The following KIAA1549L variants were observed in gnomAD, a reference collection of about 807,000 sequenced individuals.
The protein encoded by KIAA1549L is KIAA1549 like, also known as UPF0606 protein KIAA1549L.
KIAA1549L carries 88 observed loss-of-function variants against 160.7 expected under a neutral mutation model. The observed-to-expected ratio is 0.55, with a 90% confidence interval of 0.46 to 0.65. The LOEUF (loss-of-function observed/expected upper bound fraction) is 0.65, where lower values mean the gene tolerates loss of function less well. KIAA1549L is among the 30% of genes least tolerant of loss of function. KIAA1549L has a pLI of 0.00. For missense variants in KIAA1549L, 2,258 were observed against 2,437.5 expected (o/e 0.93, Z 1.55); for synonymous variants, 950 against 976.7 (o/e 0.97, Z 0.51).
intron 1 of KIAA1549L, among the ~76,000 whole-genome samples, chr11:33,510,393 G>T (rs1278637834): frequency 6.6e-6 from 1 of 152,130 alleles, no homozygotes; most frequent in Non-Finnish European, 1.5e-5. Context: ...CACCATGTTG[G>T]CCAGGCTGGT....
chr11:33,408,770 T>G (rs1850724827), intron 1 of KIAA1549L, among the ~76,000 whole-genome samples: 1 of 97,484 alleles, frequency 1.0e-5, no homozygotes, highest in Admixed American at 1.3e-4. Flanking sequence ...ACCCCATCAC[T>G]ACTAAAAATA....
At chr11:33,620,546 T>C (rs1850930692) in intron 16 of KIAA1549L, among the ~76,000 whole-genome samples, 1 of 152,240 alleles carries the variant, frequency 6.6e-6, no homozygotes, top group African/African-American at 2.4e-5. Context: ...TCTAGTCTTT[T>C]CATGTGTATT....
In KIAA1549L at chr11:33,442,132, T is replaced by C. The variant is rs575039479; in HGVS notation, c.238+65243T>C. Among the ~76,000 whole-genome samples the C allele has an allele frequency of 1.2e-3, 185 of 152,150 alleles. 2 individuals are homozygous for C. The highest frequency in any genetic ancestry group is 8.8e-5 in the Non-Finnish European group (6 of 67,892). ...AGGAAGGGATCCAGTTTCAGCTTTC[T>C]ACATATGGCTAGCCAGTTTTCCCAG... On this transcript the variant is annotated intron_variant, in intron 1 of 20. Coordinates refer to ENST00000658780, the MANE Select transcript of KIAA1549L (RefSeq NM_012194.3).
chr11:33,410,697 G>A (rs1485003562), intron 1 of KIAA1549L, among the ~76,000 whole-genome samples: 3 of 152,154 alleles, frequency 2.0e-5, no homozygotes, highest in East Asian at 3.8e-4. Flanking sequence ...AACACGGATG[G>A]GCATAGTGGG....
intron 1 of KIAA1549L, among the ~76,000 whole-genome samples, chr11:33,463,953 G>A (rs763436138): frequency 2.0e-5 from 3 of 152,188 alleles, no homozygotes; most frequent in African/African-American, 4.8e-5. Context: ...CAGGTTGGCA[G>A]GGGCCACATA....
intron 1 of KIAA1549L, among the ~76,000 whole-genome samples, chr11:33,402,129 C>G (rs1408003716): frequency 6.6e-6 from 1 of 152,198 alleles, no homozygotes; most frequent in Non-Finnish European, 1.5e-5. Flanking sequence ...AGCCCTGTTC[C>G]CTCTTATGGA....
intron 8 of KIAA1549L, among the ~76,000 whole-genome samples, chr11:33,564,887 G>A (rs1854995554): frequency 6.6e-6 from 1 of 152,238 alleles, no homozygotes; most frequent in Admixed American, 6.5e-5. Context: ...AGTACAGAAG[G>A]CTGAACCAGG....
At chr11:33,639,783 G>T (rs866280100) in intron 16 of KIAA1549L, among the ~76,000 whole-genome samples, 1 of 152,046 alleles carries the variant, frequency 6.6e-6, no homozygotes, top group Non-Finnish European at 1.5e-5. Context: ...CAAATGATCC[G>T]CCCGCCTTGG....
At chr11:33,496,155 G>A (rs1228659820) in intron 1 of KIAA1549L, among the ~76,000 whole-genome samples, 2 of 152,028 alleles carry the variant, frequency 1.3e-5, no homozygotes, top group African/African-American at 4.8e-5. Flanking sequence ...GTAGAGATGG[G>A]GTTTTGCCAT....
intron 16 of KIAA1549L, 85 bp from the exon 17 acceptor site, chr11:33,645,601 C>G: frequency 1.0e-6 from 1 of 992,550 alleles, no homozygotes; most frequent in South Asian, 1.5e-5. Context: ...TAGCACCTGT[C>G]CAAGTGAATG....
At chr11:33,637,559 G>A (rs563862356) in intron 16 of KIAA1549L, among the ~76,000 whole-genome samples, 1 of 152,330 alleles carries the variant, frequency 6.6e-6, no homozygotes, top group Non-Finnish European at 1.5e-5. Context: ...AGACTGGGTG[G>A]TATGGCTTAA....
At position 33,464,182 on chromosome 11, in the gene KIAA1549L, T is replaced by G. The variant is rs1851996584; in HGVS notation, c.239-77620T>G. Among the ~76,000 whole-genome samples the G allele has an allele frequency of 2.0e-5, 3 of 152,228 alleles. 1 individual carries two copies. The highest frequency in any genetic ancestry group is 1.3e-4 in the Admixed American group (2 of 15,284). On this transcript the variant is annotated intron_variant, in intron 1 of 20. Coordinates refer to ENST00000658780, the MANE Select transcript of KIAA1549L (RefSeq NM_012194.3). ...AGCTAGATCTGTGATTTAAATGAAA[T>G]CCAGCCTGGTTCCAAAGATCATAAT... is the stretch of plus-strand genomic sequence containing the variant.
intron 1 of KIAA1549L, among the ~76,000 whole-genome samples, chr11:33,498,101 C>T (rs1302606440): frequency 6.6e-6 from 1 of 152,120 alleles, no homozygotes; most frequent in East Asian, 1.9e-4. Flanking sequence ...CCAGCCTGGG[C>T]AGCATAGGGA....
At chr11:33,649,849 C>A (rs1331199016) in intron 17 of KIAA1549L, among the ~76,000 whole-genome samples, 7 of 112,540 alleles carry the variant, frequency 6.2e-5, no homozygotes, top group Admixed American at 6.2e-4. Context: ...CAACACAGCA[C>A]AATCCCATCT....
Position 33,530,430 on chromosome 11 carries a change from AAAAAAAATATATATATATATATATATAT to A in KIAA1549L, c.239-11370_239-11343del, listed in dbSNP as rs1184508481. Among the ~76,000 whole-genome samples the A allele has an allele frequency of 7.8e-3, 112 of 14,394 alleles. 11 individuals carry two copies. Among genetic ancestry groups the A allele is most frequent in the African/African-American group, 0.021 (108 of 5,044 alleles). 9.4% of individuals were successfully genotyped at this position (14,394 alleles called of 152,430 possible). A position where few individuals can be genotyped will look rare whatever the true frequency, so the allele number is the denominator to read the frequency against. On this transcript the variant is annotated intron_variant, in intron 1 of 20. Transcript: ENST00000658780. ...AAGAAGAAGGAAAAAAAAAAAAAAA[AAAAAAAATATATATATATATATATATAT>A]ATATATATATATATATATATATATA...
intron 1 of KIAA1549L, among the ~76,000 whole-genome samples, chr11:33,530,485 G>C (rs1590315283): frequency 1.0e-5 from 1 of 96,522 alleles, no homozygotes; most frequent in African/African-American, 3.8e-5. Context: ...ATATATATAT[G>C]CAAGATTTGC....
At position 33,547,726 on chromosome 11, in the gene KIAA1549L, G is replaced by T. The variant is rs369600322; in HGVS notation, c.3386-38G>T. 2.6e-4 allele frequency: 342 copies of T among 1,335,934 alleles called. No individual in the cohort carries two copies. In the African/African-American group the frequency reaches 4.5e-3, roughly 17 times the overall value. 82.8% of individuals were successfully genotyped at this position (1,335,934 alleles called of 1,614,324 possible). A position where few individuals can be genotyped will look rare whatever the true frequency, so the allele number is the denominator to read the frequency against. ...GGGCAAGTGAATGATGAGGTTTGTC[G>T]CCTTGCCTGATTGCCATGCTTCTAT... is the stretch of plus-strand genomic sequence containing the variant. On this transcript the variant is annotated intron_variant, in intron 3 of 20. Transcript: ENST00000658780.
intron 1 of KIAA1549L, among the ~76,000 whole-genome samples, chr11:33,439,202 G>A (rs1454647424): frequency 2.6e-5 from 4 of 152,196 alleles, no homozygotes; most frequent in Admixed American, 6.5e-5. Context: ...GTGAGCCACC[G>A]TGTCTGGCCT....
intron 1 of KIAA1549L, among the ~76,000 whole-genome samples, chr11:33,471,626 A>G (rs764474811): frequency 5.6e-4 from 86 of 152,214 alleles, no homozygotes; most frequent in Non-Finnish European, 7.8e-4. Context: ...AGCTCATCAG[A>G]GCCTTTACCC....
Sources: allele counts gnomAD v4.1 joint callset (sites outside exome capture counted in the v4.1 genomes callset), GRCh38; gene constraint gnomAD v4.1.1; transcripts MANE v1.5; gene names NCBI Gene and HGNC (gene_info 2026-07-23, HGNC 2026-07-21).